The following CSMD3 variants were observed in gnomAD, a reference collection of about 807,000 sequenced individuals.
CSMD3 encodes the protein CUB and sushi domain-containing protein 3.
A neutral mutation model predicts 435.2 loss-of-function variants in CSMD3; 177 were observed. The observed-to-expected ratio is 0.41, with a 90% confidence interval of 0.36 to 0.46. CSMD3 has a LOEUF of 0.46. Among genes scored for constraint, CSMD3 ranks in the 20% least tolerant of loss-of-function variants. The probability of loss-of-function intolerance (pLI) is 0.34; values close to 1 mark genes in which losing one functional copy is unlikely to be tolerated. For synonymous variants in CSMD3, 1,656 were observed against 1,520.5 expected, an observed-to-expected ratio of 1.09 and a Z score of -2.07; for missense variants, 4,265 against 4,504.6, an observed-to-expected ratio of 0.95 and a Z score of 1.52.
chr8:113,239,204 GA>G (rs1339196759), intron 3 of CSMD3, among the ~76,000 whole-genome samples: 4 of 152,046 alleles, frequency 2.6e-5, no homozygotes, highest in African/African-American at 9.7e-5. Context: ...ACTCATATTG[GA>G]AGTGCACCAC....
intron 9 of CSMD3, among the ~76,000 whole-genome samples, chr8:112,937,251 T>A (rs1229320558): frequency 6.6e-6 from 1 of 152,142 alleles, no homozygotes; most frequent in Non-Finnish European, 1.5e-5. Context: ...TTGTAAGAGC[T>A]AGTTTTTATA....
In CSMD3 at chr8:112,408,947, CAG is replaced by C; in HGVS notation, c.5479_5480del (p.Leu1827ValfsTer19). ...AATGGGATCCTGAGAGGGAAGATAA[CAG>C]AGAAGATTGCTGAGTTGGCCCATCA... ...VYDGPTQQSS[L>X]LSSLSGSHSG... On this transcript the variant is annotated frameshift_variant, in exon 33 of 71. Transcript: ENST00000297405. LOFTEE classifies it high-confidence loss of function. 1 of 1,613,552 alleles carries C rather than the reference CAG, an allele frequency of 6.2e-7. No individual in the cohort carries two copies. Among genetic ancestry groups the C allele is most frequent in the Non-Finnish European group, 8.5e-7 (1 of 1,179,664 alleles).
Position 113,071,413 on chromosome 8 carries a change from C to T in CSMD3, c.917+27343G>A, listed in dbSNP as rs193135310. Among the ~76,000 whole-genome samples the T allele has an allele frequency of 7.0e-4, 106 of 151,902 alleles. 1 individual carries two copies. The highest frequency in any genetic ancestry group is 2.5e-3 in the African/African-American group (102 of 41,508). On this transcript the variant is annotated intron_variant, in intron 5 of 70. Transcript: ENST00000297405. The stretch of plus-strand genomic sequence containing the variant: ...CATTGCACATATCGAAGTCAAGAAG[C>T]TCTCTATGTTTTCTTCTAGTAGTTT...
intron 22 of CSMD3, among the ~76,000 whole-genome samples, chr8:112,590,887 C>T (rs1238002908): frequency 6.6e-6 from 1 of 151,992 alleles, no homozygotes; most frequent in Non-Finnish European, 1.5e-5. Context: ...TTCTTGATAA[C>T]TGATGCTACT....
chr8:113,427,720 A>G lies in CSMD3; in HGVS notation c.178+8957T>C, dbSNP rs368755473. Among the ~76,000 whole-genome samples the G allele has an allele frequency of 5.9e-5, 9 of 151,758 alleles. No individual in the cohort carries two copies. The East Asian group carries it at 9.7e-4, about 16-fold the overall frequency. On this transcript the variant is annotated intron_variant, in intron 1 of 70. Coordinates refer to ENST00000297405, the MANE Select transcript of CSMD3 (RefSeq NM_198123.2). ...TATGCATATTTTAATTTTGAAAAAT[A>G]TGTATTTGCCCCTACAAATAAATCT...
intron 4 of CSMD3, among the ~76,000 whole-genome samples, chr8:113,115,975 A>G (rs1450370831): frequency 3.3e-5 from 5 of 152,274 alleles, no homozygotes; most frequent in African/African-American, 1.2e-4. Context: ...GCAAGAAGGC[A>G]TCATCTATGA....
chr8:113,038,716 G>A (rs923729529), intron 5 of CSMD3, among the ~76,000 whole-genome samples: 1 of 152,088 alleles, frequency 6.6e-6, no homozygotes, highest in Non-Finnish European at 1.5e-5. Context: ...ATTCCTTACT[G>A]GGAGCCCTTA....
rs142723195 is a variant in CSMD3, at chr8:112,469,805, C to G, written c.5395+2786G>C. Among the ~76,000 whole-genome samples, 519 of 151,772 alleles carry G rather than the reference C, an allele frequency of 3.4e-3. 3 individuals carry two copies. Among genetic ancestry groups the G allele is most frequent in the African/African-American group, 0.012 (503 of 41,336 alleles). ...AGGGGTTAGGAATCCCTGTGCTAAA[C>G]GATGTAAAAGTCATGTTCTAAGAGC... is the stretch of plus-strand genomic sequence containing the variant. On this transcript the variant is annotated intron_variant, in intron 32 of 70. Transcript: ENST00000297405.
At chr8:113,183,793 G>A (rs896320324) in intron 3 of CSMD3, among the ~76,000 whole-genome samples, 10 of 152,044 alleles carry the variant, frequency 6.6e-5, no homozygotes, top group African/African-American at 2.2e-4. Context: ...TCAAATCAGG[G>A]TAATGGGTTC....
intron 42 of CSMD3, among the ~76,000 whole-genome samples, chr8:112,340,359 C>T (rs190999793): frequency 1.4e-4 from 21 of 152,216 alleles, no homozygotes; most frequent in African/African-American, 3.1e-4. Context: ...ACATTATGCA[C>T]GCAAGTATAA....
At chr8:112,272,422 G>A (rs1486241762) in intron 59 of CSMD3, among the ~76,000 whole-genome samples, 2 of 151,880 alleles carry the variant, frequency 1.3e-5, no homozygotes, top group African/African-American at 4.8e-5. Flanking sequence ...TATAGTCTGG[G>A]CATATAGTAA....
At chr8:113,118,658 T>C (rs2090904312) in intron 4 of CSMD3, among the ~76,000 whole-genome samples, 1 of 152,192 alleles carries the variant, frequency 6.6e-6, no homozygotes, top group African/African-American at 2.4e-5. Context: ...CCACACCCTG[T>C]ATCTAATTTT....
intron 32 of CSMD3, among the ~76,000 whole-genome samples, chr8:112,445,101 G>C (rs1437707687): frequency 6.6e-6 from 1 of 151,946 alleles, no homozygotes; most frequent in Non-Finnish European, 1.5e-5. Flanking sequence ...AAATTAGCTG[G>C]GTGTGGTGAT....
At chr8:113,063,425 G>A (rs886692765) in intron 5 of CSMD3, among the ~76,000 whole-genome samples, 7 of 151,902 alleles carry the variant, frequency 4.6e-5, no homozygotes, top group African/African-American at 1.7e-4. Flanking sequence ...ACTAAAAATA[G>A]CATGCACAAT....
At chr8:112,806,417 T>G (rs2113666) in intron 12 of CSMD3, among the ~76,000 whole-genome samples, 126,690 of 152,140 alleles carry the variant, frequency 0.83, 53,020 homozygotes, top group African/African-American at 0.91. Flanking sequence ...GGAAGTAGCA[T>G]ATAAACTTTT....
intron 12 of CSMD3, among the ~76,000 whole-genome samples, chr8:112,828,802 A>G (rs991159581): frequency 2.7e-4 from 41 of 152,280 alleles, no homozygotes; most frequent in Admixed American, 1.6e-3. Flanking sequence ...CACGTTGCAG[A>G]CAGGGGAAAG....
rs1276444756 is a variant in CSMD3 at position 112,695,518 on chromosome 8, AC to A, written c.1973-5469del. ...TCAATAGATGCAGAAAAGGCCTTTG[AC>A]AAAATTCAACAGCCCTTCATGCTAA... is the stretch of plus-strand genomic sequence containing the variant. On this transcript the variant is annotated intron_variant, in intron 13 of 70. Coordinates refer to ENST00000297405, the MANE Select transcript of CSMD3 (RefSeq NM_198123.2). 1.2e-4 allele frequency among the ~76,000 whole-genome samples: 19 copies of A among 152,320 alleles called. No homozygotes were observed. The South Asian group carries it at 1.4e-3, about 12-fold the overall frequency.
chr8:112,501,407 A>G (rs769546207), intron 30 of CSMD3, among the ~76,000 whole-genome samples: 71 of 151,970 alleles, frequency 4.7e-4, no homozygotes, highest in Non-Finnish European at 9.1e-4. Context: ...AAAAAAAAAA[A>G]AAAGAAAGAA....
At chr8:112,371,690 A>C (rs1828409767) in intron 38 of CSMD3, among the ~76,000 whole-genome samples, 1 of 151,978 alleles carries the variant, frequency 6.6e-6, no homozygotes, top group Non-Finnish European at 1.5e-5. Flanking sequence ...GAGTTCGAGA[A>C]CAGCCTGACC....
Sources: gnomAD v4.1 joint callset for allele counts (sites outside exome capture counted in the v4.1 genomes callset) on GRCh38, gnomAD v4.1.1 for gene constraint, MANE v1.5 for transcripts, NCBI Gene and HGNC (gene_info 2026-07-23, HGNC 2026-07-21) for gene names.